The following TFDP2 variants were observed in gnomAD, a reference collection of about 807,000 sequenced individuals.
TFDP2 encodes the protein transcription factor Dp-2 (E2F dimerization partner 2).
A neutral mutation model predicts 59.3 loss-of-function variants in TFDP2; 17 were observed. The ratio of observed to expected loss-of-function variants is 0.29; its 90% confidence interval spans 0.20 to 0.43. TFDP2 has a LOEUF of 0.43. Ranked by LOEUF, TFDP2 falls within the 20% of genes least tolerant of loss-of-function variation. The probability of loss-of-function intolerance (pLI) is 1.00; values close to 1 mark genes in which losing one functional copy is unlikely to be tolerated. For missense variants in TFDP2, 391 were observed against 528.8 expected (o/e 0.74, Z 2.56); for synonymous variants, 180 against 194.7 (o/e 0.92, Z 0.63).
At chr3:141,961,858 A>C (rs1937404738) in intron 10 of TFDP2, among the ~76,000 whole-genome samples, 1 of 152,186 alleles carries the variant, frequency 6.6e-6, no homozygotes, top group Admixed American at 6.5e-5. Flanking sequence ...GGACCGCTTG[A>C]GCCCAGGAGT....
rs6793216 is a variant in TFDP2, at chr3:142,030,103, A to G, written c.83-24559T>C. Reference sequence around the variant, plus strand: ...CTGTTAGACACTCAAATACATATTGAATCAAATAGATCAGAGAGCTTCTTC... The same window carrying G: ...CTGTTAGACACTCAAATACATATTGGATCAAATAGATCAGAGAGCTTCTTC... On this transcript the variant is annotated intron_variant, in intron 3 of 12. Coordinates refer to ENST00000489671, the MANE Select transcript of TFDP2 (RefSeq NM_001178139.2). 8.7e-3 allele frequency among the ~76,000 whole-genome samples: 1,319 copies of G among 152,346 alleles called. 22 individuals are homozygous for G. Among genetic ancestry groups the G allele is most frequent in the African/African-American group, 0.03 (1,228 of 41,576 alleles).
At chr3:141,992,502 G>A (rs539866455) in intron 6 of TFDP2, among the ~76,000 whole-genome samples, 1 of 152,284 alleles carries the variant, frequency 6.6e-6, no homozygotes, top group East Asian at 1.9e-4. Context: ...CTTAAACATT[G>A]CTAAATACCT....
At chr3:141,984,183 T>C (rs192045723) in intron 6 of TFDP2, among the ~76,000 whole-genome samples, 81 of 152,268 alleles carry the variant, frequency 5.3e-4, no homozygotes, top group Middle Eastern at 3.4e-3. Context: ...TGTGAAGACA[T>C]AAGTGACATA....
At chr3:141,984,832 T>G (rs1469784928) in intron 6 of TFDP2, among the ~76,000 whole-genome samples, 1 of 152,254 alleles carries the variant, frequency 6.6e-6, no homozygotes, top group African/African-American at 2.4e-5. Context: ...TATTTCATCA[T>G]CAATTATGGC....
rs1226662749 is a variant in TFDP2, at chr3:142,121,284, A to C, written c.-92-19443T>G. On this transcript the variant is annotated intron_variant, in intron 1 of 12. Coordinates refer to ENST00000489671, the MANE Select transcript of TFDP2 (RefSeq NM_001178139.2). The surrounding 1 kb of genome is among the most constrained non-coding windows in gnomAD (Gnocchi z 4.3). ...GCATTGTGCTCTACCCAAGAGACAT[A>C]ACGGAGTCCCACCCTTCAAGAAGTT... Among the ~76,000 whole-genome samples the C allele has an allele frequency of 6.6e-6, 1 of 152,198 alleles. No homozygotes were observed. Among genetic ancestry groups the C allele is most frequent in the Non-Finnish European group, 1.5e-5 (1 of 68,038 alleles).
chr3:142,114,185 T>C (rs943333656), intron 1 of TFDP2, among the ~76,000 whole-genome samples: 3 of 151,604 alleles, frequency 2.0e-5, no homozygotes, highest in African/African-American at 7.3e-5. Flanking sequence ...AAAGGTATAG[T>C]TATCTCCATT....
rs114624794 is a variant in TFDP2 at position 142,075,270 on chromosome 3, C to T, written c.82+17791G>A. On this transcript the variant is annotated intron_variant, in intron 3 of 12. Coordinates refer to ENST00000489671, the MANE Select transcript of TFDP2 (RefSeq NM_001178139.2). ...TACTATAAAGAAGTGATAACACAAC[C>T]TATTGAATGGAAGAAAATATCTGCA... 9.0e-4 allele frequency among the ~76,000 whole-genome samples: 137 copies of T among 152,234 alleles called. 1 individual carries two copies. The highest frequency in any genetic ancestry group is 3.2e-3 in the African/African-American group (133 of 41,536).
At chr3:142,019,394 T>A (rs1271061912) in intron 3 of TFDP2, among the ~76,000 whole-genome samples, 1 of 152,158 alleles carries the variant, frequency 6.6e-6, no homozygotes, top group Non-Finnish European at 1.5e-5. Context: ...TGTAGTCAAT[T>A]TTGTAACTTT....
intron 3 of TFDP2, among the ~76,000 whole-genome samples, chr3:142,030,729 T>C (rs1335973381): frequency 1.4e-5 from 2 of 146,920 alleles, no homozygotes; most frequent in East Asian, 2.0e-4. Flanking sequence ...CTCAAGTATA[T>C]TCCCGTGTTC....
At chr3:142,042,627 TTTC>T (rs1161814975) in intron 3 of TFDP2, among the ~76,000 whole-genome samples, 5 of 90,778 alleles carry the variant, frequency 5.5e-5, no homozygotes, top group Non-Finnish European at 8.0e-5. Context: ...TTTCTTTTCT[TTTC>T]TTTTTTTTTT....
Position 141,950,477 on chromosome 3 carries a change from A to G in TFDP2, c.*2036T>C, listed in dbSNP as rs1935829272. 6.6e-6 allele frequency: 1 copy of G among 152,582 alleles called. No homozygotes were observed. Among genetic ancestry groups the G allele is most frequent in the South Asian group, 2.1e-4 (1 of 4,830 alleles). The allele number at this position is 152,582 out of a possible 1,614,324, so 9.5% of individuals were successfully genotyped here. A position where few individuals can be genotyped will look rare whatever the true frequency, so the allele number is the denominator to read the frequency against. ...AAGCATGAGAGCAGCAGAGATGGAG[A>G]GTAGAGAAAAAAACAGGTTTCCCAA... On this transcript the variant is annotated 3_prime_UTR_variant, in exon 13 of 13. Transcript: ENST00000489671.
chr3:141,962,589 T>C (rs1937506456), intron 10 of TFDP2, among the ~76,000 whole-genome samples: 2 of 152,054 alleles, frequency 1.3e-5, no homozygotes, highest in Non-Finnish European at 2.9e-5. Context: ...GAACTCCTGA[T>C]CTCAGGTGAT....
intron 1 of TFDP2, among the ~76,000 whole-genome samples, chr3:142,148,946 G>T (rs1428784464): frequency 6.6e-6 from 1 of 152,184 alleles, no homozygotes; most frequent in Non-Finnish European, 1.5e-5. Flanking sequence ...ACTCAGGGAC[G>T]TTACCTCCCC....
At chr3:142,123,001 A>G (rs1003524199) in intron 1 of TFDP2, among the ~76,000 whole-genome samples, 16 of 151,742 alleles carry the variant, frequency 1.1e-4, no homozygotes, top group Non-Finnish European at 1.8e-4. Context: ...TCCGTCGCTC[A>G]GACTGGAGTG....
intron 1 of TFDP2, among the ~76,000 whole-genome samples, chr3:142,134,125 A>T (rs1389793935): frequency 6.6e-6 from 1 of 151,948 alleles, no homozygotes; most frequent in South Asian, 2.1e-4. Flanking sequence ...AGCACACTGA[A>T]AGTGGGGCTG....
chr3:142,113,877 G>C (rs1165800481), intron 1 of TFDP2, among the ~76,000 whole-genome samples: 1 of 152,082 alleles, frequency 6.6e-6, no homozygotes, highest in Admixed American at 6.5e-5. Context: ...TAACTCTACA[G>C]AATAGGGCCG....
rs750064457 is a variant in TFDP2 at position 141,952,475 on chromosome 3, T to A, written c.*38A>T. 1 of 1,488,340 alleles carries A rather than the reference T, an allele frequency of 6.7e-7. No homozygotes were observed. The allele number at this position is 1,488,340 out of a possible 1,614,324, so 92.2% of individuals were successfully genotyped here. ...CAAGAGCTCACACTACAAACACACA[T>A]GAGCATCACATATTGAAACGTAGGC... On this transcript the variant is annotated 3_prime_UTR_variant, in exon 13 of 13. Transcript: ENST00000489671.
At chr3:141,952,798 C>T in intron 12 of TFDP2, 102 bp from the exon 13 acceptor site, 2 of 1,561,436 alleles carry the variant, frequency 1.3e-6, no homozygotes, top group Non-Finnish European at 8.8e-7. Context: ...GTGAGATCTG[C>T]CACAAACCTG....
Position 141,951,006 on chromosome 3 carries a change from CA to C in TFDP2, c.*1506del, listed in dbSNP as rs1935882145. The C allele has an allele frequency of 6.6e-6, 1 of 152,208 alleles. No individual in the cohort carries two copies. The highest frequency in any genetic ancestry group is 2.4e-5 in the African/African-American group (1 of 41,456). 9.4% of individuals were successfully genotyped at this position (152,208 alleles called of 1,614,324 possible). A position where few individuals can be genotyped will look rare whatever the true frequency, so the allele number is the denominator to read the frequency against. The stretch of plus-strand genomic sequence containing the variant: ...TAGCTAGCCAAAGCTTCCTCCTCCT[CA>C]CCATGCTCAGTGTTAGCATGGTGGT... On this transcript the variant is annotated 3_prime_UTR_variant, in exon 13 of 13. Coordinates refer to ENST00000489671, the MANE Select transcript of TFDP2 (RefSeq NM_001178139.2).
Sources: gnomAD v4.1 joint callset for allele counts (sites outside exome capture counted in the v4.1 genomes callset) on GRCh38, gnomAD v4.1.1 for gene constraint, Gnocchi (gnomAD v3.1) non-coding constraint, MANE v1.5 for transcripts, NCBI Gene and HGNC (gene_info 2026-07-23, HGNC 2026-07-21) for gene names.